The following PAK5 variants were observed in gnomAD, a reference collection of about 807,000 sequenced individuals.
PAK5 encodes p21 (RAC1) activated kinase 5, also known as serine/threonine-protein kinase PAK 5.
Under a neutral mutation model 65.9 loss-of-function variants are expected in PAK5, and 16 were observed. That is an observed-to-expected ratio of 0.24 (90% confidence interval 0.16 to 0.37). The LOEUF (loss-of-function observed/expected upper bound fraction) is 0.37. Ranked by LOEUF, PAK5 falls within the 10% of genes least tolerant of loss-of-function variation. The pLI is 1.00. For missense variants in PAK5, 785 were observed against 903.9 expected, an observed-to-expected ratio of 0.87 and a Z score of 1.69; for synonymous variants, 371 against 354.9, an observed-to-expected ratio of 1.05 and a Z score of -0.51.
At chr20:9,819,119 A>G (rs2049391199) in intron 1 of PAK5, among the ~76,000 whole-genome samples, 1 of 152,222 alleles carries the variant, frequency 6.6e-6, no homozygotes, top group Admixed American at 6.5e-5. Context: ...CCTTGTAATG[A>G]CAATATGTCC....
chr20:9,573,583 A>G (rs370411922), intron 4 of PAK5, among the ~76,000 whole-genome samples: 13 of 152,340 alleles, frequency 8.5e-5, no homozygotes, highest in African/African-American at 2.9e-4. Context: ...ATTCTGCAGT[A>G]GAACATAATT....
chr20:9,631,456 A>G (rs1199319502), intron 3 of PAK5, among the ~76,000 whole-genome samples: 1 of 152,196 alleles, frequency 6.6e-6, no homozygotes, highest in African/African-American at 2.4e-5. Context: ...TGAAGAAGCA[A>G]GCTGTCACGC....
chr20:9,549,518 C>T (rs1050661627), intron 7 of PAK5, among the ~76,000 whole-genome samples: 31 of 152,094 alleles, frequency 2.0e-4, no homozygotes, highest in African/African-American at 7.0e-4. Flanking sequence ...TCTCAACCAA[C>T]TAGCATGAAA....
chr20:9,814,776 G>C (rs1209133495), intron 1 of PAK5, among the ~76,000 whole-genome samples: 1 of 152,118 alleles, frequency 6.6e-6, no homozygotes, highest in Non-Finnish European at 1.5e-5. Flanking sequence ...ATTTGTGCAG[G>C]CAACAGCAAT....
rs144727149 is a variant in PAK5 at position 9,824,459 on chromosome 20, C to A, written c.-162+14303G>T. ...ATTGGCAGGACTGGAGTAATGGTGT[C>A]CTTAGCAGCATTAGAATGAGGTTAG... On this transcript the variant is annotated intron_variant, in intron 1 of 9. Transcript: ENST00000353224. Among the ~76,000 whole-genome samples, 251 of 152,238 alleles carry A rather than the reference C, an allele frequency of 1.6e-3. 1 individual carries two copies. Among genetic ancestry groups the A allele is most frequent in the African/African-American group, 5.3e-3 (220 of 41,548 alleles).
intron 7 of PAK5, among the ~76,000 whole-genome samples, chr20:9,548,817 A>G (rs2045383937): frequency 6.6e-6 from 1 of 152,242 alleles, no homozygotes; most frequent in African/African-American, 2.4e-5. Flanking sequence ...CATTTTGGAA[A>G]TTATTAATGT....
At chr20:9,737,972 C>A (rs1473141947) in intron 1 of PAK5, among the ~76,000 whole-genome samples, 1 of 152,074 alleles carries the variant, frequency 6.6e-6, no homozygotes, top group Non-Finnish European at 1.5e-5. Context: ...GAAACCCCAT[C>A]TTTACTAAAA....
chr20:9,562,398 G>C (rs1286907185), intron 6 of PAK5, among the ~76,000 whole-genome samples: 1 of 152,140 alleles, frequency 6.6e-6, no homozygotes, highest in African/African-American at 2.4e-5. Context: ...GCAATAGGCT[G>C]GTAATTAACC....
chr20:9,719,984 C>T (rs985112753), intron 1 of PAK5, among the ~76,000 whole-genome samples: 4 of 152,170 alleles, frequency 2.6e-5, no homozygotes, highest in Non-Finnish European at 5.9e-5. Flanking sequence ...GTTTACAACT[C>T]CATTGTAATG....
rs186393082 is a variant in PAK5, at chr20:9,795,474, C to A, written c.-162+43288G>T. Among the ~76,000 whole-genome samples the A allele has an allele frequency of 3.3e-3, 501 of 152,166 alleles. 5 individuals carry two copies. The highest frequency in any genetic ancestry group is 0.012 in the African/African-American group (484 of 41,552). ...AGGTGCAATGAAATCCAACCATAAT[C>A]TCACCACTGCCAGAAACAAACCCTC... On this transcript the variant is annotated intron_variant, in intron 1 of 9. Coordinates refer to ENST00000353224, the MANE Select transcript of PAK5 (RefSeq NM_177990.4).
intron 7 of PAK5, among the ~76,000 whole-genome samples, chr20:9,550,733 T>TGTGTGTGTGC (rs1406272289): frequency 4.1e-4 from 12 of 29,006 alleles, no homozygotes; most frequent in Admixed American, 1.4e-3. Flanking sequence ...ATAATTGTGG[T>TGTGTGTGTGC]GTGTGTGTGT....
In PAK5 at chr20:9,622,107, G is replaced by A. The variant is rs1274913549; in HGVS notation, c.204+22018C>T. Among the ~76,000 whole-genome samples the A allele has an allele frequency of 6.6e-5, 10 of 152,256 alleles. No homozygotes were observed. The East Asian group carries it at 1.3e-3, about 21-fold the overall frequency. On this transcript the variant is annotated intron_variant, in intron 3 of 9. Transcript: ENST00000353224. ...GACTGGGAAACCTATACTCAACCAC[G>A]ATATAATTCACTCATTAGCAAAACC...
intron 1 of PAK5, among the ~76,000 whole-genome samples, chr20:9,773,775 A>C (rs550333169): frequency 6.6e-6 from 1 of 152,276 alleles, no homozygotes; most frequent in Admixed American, 6.5e-5. Context: ...TCTCACAACA[A>C]CACTACAAGG....
At chr20:9,677,392 T>C (rs2047589464) in intron 2 of PAK5, among the ~76,000 whole-genome samples, 1 of 152,120 alleles carries the variant, frequency 6.6e-6, no homozygotes, top group Non-Finnish European at 1.5e-5. Context: ...TCAGATATAT[T>C]GGTCTCTTCT....
chr20:9,811,344 T>C (rs1037881346), intron 1 of PAK5, among the ~76,000 whole-genome samples: 1 of 152,166 alleles, frequency 6.6e-6, no homozygotes, highest in African/African-American at 2.4e-5. Flanking sequence ...TCTCTGTCTC[T>C]CTCTCTCCCC....
rs372859111 is a variant in PAK5 at position 9,606,088 on chromosome 20, C to T, written c.205-25158G>A. On this transcript the variant is annotated intron_variant, in intron 3 of 9. Transcript: ENST00000353224. ...GTCAAATAGTAATCTCCAATGTTGG[C>T]GGTAGGGCCCGGTGGGAGGTGACTG... Among the ~76,000 whole-genome samples, 9 of 152,242 alleles carry T rather than the reference C, an allele frequency of 5.9e-5. No homozygotes were observed. In the East Asian group the frequency reaches 7.7e-4, roughly 13 times the overall value.
intron 2 of PAK5, among the ~76,000 whole-genome samples, chr20:9,685,744 G>C (rs1324533574): frequency 6.6e-6 from 1 of 152,214 alleles, no homozygotes; most frequent in Non-Finnish European, 1.5e-5. Flanking sequence ...AGAATTTCAA[G>C]AGGTGATATG....
chr20:9,722,744 A>AC (rs2048232197), intron 1 of PAK5, among the ~76,000 whole-genome samples: 1 of 145,328 alleles, frequency 6.9e-6, no homozygotes, highest in Non-Finnish European at 1.5e-5. Context: ...CCAATGGAAG[A>AC]TTTTTTTTTT....
intron 1 of PAK5, among the ~76,000 whole-genome samples, chr20:9,831,954 C>G (rs1978751633): frequency 6.6e-6 from 1 of 152,038 alleles, no homozygotes; most frequent in African/African-American, 2.4e-5. Context: ...CACATATTAA[C>G]AATACAATAT....
Sources: gnomAD v4.1 joint callset for allele counts (sites outside exome capture counted in the v4.1 genomes callset) on GRCh38, gnomAD v4.1.1 for gene constraint, MANE v1.5 for transcripts, NCBI Gene and HGNC (gene_info 2026-07-23, HGNC 2026-07-21) for gene names.